CNOT3: variants seen among roughly 807,000 people sequenced by gnomAD.
CNOT3 encodes the protein CCR4-associated factor 3.
A neutral mutation model predicts 89.4 loss-of-function variants in CNOT3; 2 were observed. That is an observed-to-expected ratio of 0.02 (90% confidence interval 0.01 to 0.07). The LOEUF is 0.07. CNOT3 is among the 10% of genes least tolerant of loss of function. The pLI is 1.00. For synonymous variants in CNOT3, 486 were observed against 402.0 expected (o/e 1.21, Z -2.50); for missense variants, 664 against 1,010.2 (o/e 0.66, Z 4.65).
chr19:54,150,637 G>C (rs1231983611), intron 13 of CNOT3, among the ~76,000 whole-genome samples: 2 of 146,328 alleles, frequency 1.4e-5, no homozygotes, highest in African/African-American at 5.1e-5. Flanking sequence ...CGCCCAGGCT[G>C]TCCAGGTCCA....
At position 54,143,444 on chromosome 19, in the gene CNOT3, C is replaced by T. The variant is rs2074539266; in HGVS notation, c.96C>T (p.Leu32=). Residue 32 remains leucine (L), a splice_region_variant and synonymous_variant, in exon 4 of 18, where the codon CTC becomes CTT. Coordinates refer to ENST00000221232, the MANE Select transcript of CNOT3 (RefSeq NM_014516.4). ...VEQFEDIWQK[L]HNAANANQKE... is the part of the protein sequence containing the mutation. Reference sequence around the variant, plus strand: ...TCTCAATTCTCTCCATCCCTCAGCTCCACAATGCAGCCAACGCGAACCAGA... The same window carrying T: ...TCTCAATTCTCTCCATCCCTCAGCTTCACAATGCAGCCAACGCGAACCAGA... The T allele has an allele frequency of 4.3e-6, 7 of 1,613,980 alleles. No homozygotes were observed. The highest frequency in any genetic ancestry group is 5.9e-6 in the Non-Finnish European group (7 of 1,179,984).
Position 54,152,279 on chromosome 19 carries a change from C to G in CNOT3, c.1659C>G (p.Ser553Arg). 6.2e-7 allele frequency: 1 copy of G among 1,614,164 alleles called. No individual in the cohort carries two copies. Among genetic ancestry groups the G allele is most frequent in the East Asian group, 2.2e-5 (1 of 44,866 alleles). Residue 553 changes from serine (S) to arginine (R), a missense_variant, in exon 14 of 18, where the codon AGC (serine) becomes AGG (arginine). This residue lies in a region of CNOT3 where 545 missense variants were observed against 566.2 expected (regional missense o/e 0.96). Coordinates refer to ENST00000221232, the MANE Select transcript of CNOT3 (RefSeq NM_014516.4). ...CCATGGCGGAACGGGCAGCCATCAG[C>G]TCTGGCATTGAGGACCCTGTGCCAA... ...LKSMAERAAI[S>R]SGIEDPVPTL...
rs755976203 is a variant in CNOT3, at chr19:54,149,587, G to A, written c.1434G>A (p.Thr478=). 22 of 1,600,660 alleles carry A rather than the reference G, an allele frequency of 1.4e-5. No individual in the cohort carries two copies. Among genetic ancestry groups the A allele is most frequent in the African/African-American group, 1.1e-4 (8 of 74,368 alleles). Residue 478 remains threonine (T), a synonymous_variant, in exon 13 of 18, where the codon ACG becomes ACA. Transcript: ENST00000221232. The part of the protein sequence containing the change: ...TSKEPSAAAP[T]GAGGVAPGSG... The stretch of plus-strand genomic sequence containing the variant: ...AGGAACCCAGTGCGGCAGCCCCAAC[G>A]GGGGCTGGGGGCGTGGCCCCAGGCT...
In CNOT3 at chr19:54,143,307, G is replaced by A. The variant is rs964902201; in HGVS notation, c.93+121G>A. Reference sequence around the variant, plus strand: ...ACATATGCAGATGCTGAGGACCTAAGAGAATCAGCTCTAAGATGGATTGGG... The same window carrying A: ...ACATATGCAGATGCTGAGGACCTAAAAGAATCAGCTCTAAGATGGATTGGG... On this transcript the variant is annotated intron_variant, in intron 3 of 17. Coordinates refer to ENST00000221232, the MANE Select transcript of CNOT3 (RefSeq NM_014516.4). 9 of 971,782 alleles carry A rather than the reference G, an allele frequency of 9.3e-6. No homozygotes were observed. In the African/African-American group the frequency reaches 1.4e-4, roughly 16 times the overall value. The allele number at this position is 971,782 out of a possible 1,614,324, so 60.2% of individuals were successfully genotyped here. A position where few individuals can be genotyped will look rare whatever the true frequency, so the allele number is the denominator to read the frequency against.
At position 54,150,906 on chromosome 19, in the gene CNOT3, G is replaced by A. The variant is rs587635236; in HGVS notation, c.1605+1148G>A. Among the ~76,000 whole-genome samples, 8 of 151,826 alleles carry A rather than the reference G, an allele frequency of 5.3e-5. No homozygotes were observed. In the South Asian group the frequency reaches 1.2e-3, roughly 24 times the overall value. ...CCTGGGTTCAAGCGATTCTCCTGCC[G>A]CAGCCTACTGAGTAGCTGGGATTAC... On this transcript the variant is annotated intron_variant, in intron 13 of 17. Transcript: ENST00000221232.
At chr19:54,151,849 G>A (rs917922907) in intron 13 of CNOT3, among the ~76,000 whole-genome samples, 3 of 152,228 alleles carry the variant, frequency 2.0e-5, no homozygotes, top group Non-Finnish European at 4.4e-5. Context: ...CTCTCCCAGC[G>A]TGTAGGTGTC....
In CNOT3 at chr19:54,148,815, C is replaced by T; in HGVS notation, c.1406+72C>T. On this transcript the variant is annotated intron_variant, in intron 12 of 17. Transcript: ENST00000221232. This position sits in a 1 kb window ranked among gnomAD's most constrained non-coding sequence, Gnocchi z 6.3. ...ACAGAGAGGCGCAGGCGCCTCACCC[C>T]CGCATCGGTGGGTTCTGAACCCCCC... 1 of 1,491,380 alleles carries T rather than the reference C, an allele frequency of 6.7e-7. No homozygotes were observed. The highest frequency in any genetic ancestry group is 9.1e-7 in the Non-Finnish European group (1 of 1,099,264). 92.4% of individuals were successfully genotyped at this position (1,491,380 alleles called of 1,614,324 possible). A position where few individuals can be genotyped will look rare whatever the true frequency, so the allele number is the denominator to read the frequency against.
In CNOT3 at chr19:54,148,381, C is replaced by T; in HGVS notation, c.1128C>T (p.Ala376=). 1 of 1,562,914 alleles carries T rather than the reference C, an allele frequency of 6.4e-7. No homozygotes were observed. Among genetic ancestry groups the T allele is most frequent in the East Asian group, 2.3e-5 (1 of 44,300 alleles). The change falls in exon 11 of 18, where the codon GCC becomes GCT. Residue 376 remains alanine (A), a synonymous_variant. Transcript: ENST00000221232. The surrounding 1 kb of genome is among the most constrained non-coding windows in gnomAD (Gnocchi z 6.3). ...GTPAPYAQAV[A]PPAPSGPSTT... Reference sequence around the variant, plus strand: ...CTGCTCCCTATGCCCAGGCTGTGGCCCCACCAGCTCCCAGTGGGCCCAGCA... The same window carrying T: ...CTGCTCCCTATGCCCAGGCTGTGGCTCCACCAGCTCCCAGTGGGCCCAGCA...
rs2075262047 is a variant in CNOT3, at chr19:54,153,577, A to C, written c.2038-138A>C. 3.8e-6 allele frequency: 3 copies of C among 786,268 alleles called. No homozygotes were observed. In the Admixed American group the frequency reaches 5.1e-5, roughly 13 times the overall value. The allele number at this position is 786,268 out of a possible 1,614,324, so 48.7% of individuals were successfully genotyped here. On this transcript the variant is annotated intron_variant, in intron 16 of 17. Transcript: ENST00000221232. ...TGGTATGTTCTGTGCCCCCAGCCCC[A>C]TCTCCAAGAGGATTGTCCAGCCCAA... is the stretch of plus-strand genomic sequence containing the variant.
chr19:54,152,082 C>T lies in CNOT3; in HGVS notation c.1606-144C>T, dbSNP rs942169289. The T allele has an allele frequency of 6.9e-6, 5 of 723,788 alleles. No homozygotes were observed. In the African/African-American group the frequency reaches 8.9e-5, roughly 13 times the overall value. The allele number at this position is 723,788 out of a possible 1,614,324, so 44.8% of individuals were successfully genotyped here. A position where few individuals can be genotyped will look rare whatever the true frequency, so the allele number is the denominator to read the frequency against. On this transcript the variant is annotated intron_variant, in intron 13 of 17. Transcript: ENST00000221232. Reference sequence around the variant, plus strand: ...TTTCCCTACAGTTTGATGCTTTTACCTGTCATGGGTAGATTGTGGGGAGTG... The same window carrying T: ...TTTCCCTACAGTTTGATGCTTTTACTTGTCATGGGTAGATTGTGGGGAGTG...
intron 10 of CNOT3, among the ~76,000 whole-genome samples, chr19:54,147,108 TA>T (rs1372824661): frequency 2.0e-5 from 3 of 152,142 alleles, no homozygotes; most frequent in Non-Finnish European, 4.4e-5. Flanking sequence ...CAGAGTCCAA[TA>T]AGCCTAGGAA....
rs185410712 is a variant in CNOT3 at position 54,149,254 on chromosome 19, G to T, written c.1407-306G>T. ...AGCTCCAGCTGGCCTGCCCAAGGGG[G>T]AGTGGGCCCTGTGAACACCTGCCCA... On this transcript the variant is annotated intron_variant, in intron 12 of 17. Transcript: ENST00000221232. Among the ~76,000 whole-genome samples the T allele has an allele frequency of 1.3e-4, 20 of 152,268 alleles. No individual in the cohort carries two copies. The East Asian group carries it at 3.9e-3, about 30-fold the overall frequency.
intron 10 of CNOT3, among the ~76,000 whole-genome samples, chr19:54,147,520 C>T (rs2074746885): frequency 6.6e-6 from 1 of 152,218 alleles, no homozygotes; most frequent in African/African-American, 2.4e-5. Flanking sequence ...GTAGTCAGTC[C>T]TGTTGGGCGC....
rs1224721239 is a variant in CNOT3 at position 54,146,178 on chromosome 19, C to A, written c.837+135C>A. On this transcript the variant is annotated intron_variant, in intron 9 of 17. Transcript: ENST00000221232. Reference sequence around the variant, plus strand: ...GATCTAGGTATCCAGGGTCTAGGCTCTTGGAGCACACGCTAAGGTCCTATA... The same window carrying A: ...GATCTAGGTATCCAGGGTCTAGGCTATTGGAGCACACGCTAAGGTCCTATA... 26 of 935,526 alleles carry A rather than the reference C, an allele frequency of 2.8e-5. No individual in the cohort carries two copies. The Admixed American group carries it at 6.2e-4, about 22-fold the overall frequency. 58.0% of individuals were successfully genotyped at this position (935,526 alleles called of 1,614,324 possible).
Position 54,149,628 on chromosome 19 carries a change from G to A in CNOT3, c.1475G>A (p.Gly492Glu), listed in dbSNP as rs1463159641. 6.2e-7 allele frequency: 1 copy of A among 1,613,726 alleles called. No homozygotes were observed. Among genetic ancestry groups the A allele is most frequent in the Admixed American group, 1.7e-5 (1 of 60,000 alleles). ...GVAPGSGNNS[G>E]GPSLLVPLPV... Reference sequence around the variant, plus strand: ...GCCCCAGGCTCAGGGAACAACTCAGGGGGACCCAGCCTCCTGGTGCCACTG... The same window carrying A: ...GCCCCAGGCTCAGGGAACAACTCAGAGGGACCCAGCCTCCTGGTGCCACTG... Residue 492 changes from glycine to glutamate, a missense_variant, in exon 13 of 18, where the codon GGG (glycine) becomes GAG (glutamate). Gly to Glu is a moderately conservative substitution (Grantham distance 98). This residue lies in a region of CNOT3 where 545 missense variants were observed against 566.2 expected (regional missense o/e 0.96). Coordinates refer to ENST00000221232, the MANE Select transcript of CNOT3 (RefSeq NM_014516.4).
Position 54,155,476 on chromosome 19 carries a change from C to T in CNOT3, c.*69C>T. 2.7e-6 allele frequency: 3 copies of T among 1,107,714 alleles called. No individual in the cohort carries two copies. Among genetic ancestry groups the T allele is most frequent in the Non-Finnish European group, 3.9e-6 (3 of 767,108 alleles). The allele number at this position is 1,107,714 out of a possible 1,614,324, so 68.6% of individuals were successfully genotyped here. A position where few individuals can be genotyped will look rare whatever the true frequency, so the allele number is the denominator to read the frequency against. On this transcript the variant is annotated 3_prime_UTR_variant, in exon 18 of 18. Coordinates refer to ENST00000221232, the MANE Select transcript of CNOT3 (RefSeq NM_014516.4). The stretch of plus-strand genomic sequence containing the variant: ...TCCCCCTGCCCAGGTGAGGGCCCTG[C>T]CCTGGAAGACTGGAGGGAGGCCCCA...
chr19:54,144,496 C>T lies in CNOT3; in HGVS notation c.483+164C>T, dbSNP rs1178616840. 2.0e-5 allele frequency among the ~76,000 whole-genome samples: 3 copies of T among 152,264 alleles called. No homozygotes were observed. The East Asian group carries it at 5.8e-4, about 29-fold the overall frequency. On this transcript the variant is annotated intron_variant, in intron 7 of 17. Coordinates refer to ENST00000221232, the MANE Select transcript of CNOT3 (RefSeq NM_014516.4). The surrounding 1 kb of genome is among the most constrained non-coding windows in gnomAD (Gnocchi z 4.8). ...GATTTGAGAGACAGGATTGGGAGGG[C>T]TTAGCAGCTGCACGCGTGGGGCAGG...
intron 1 of CNOT3, chr19:54,141,552 G>T (rs1490921747): frequency 6.6e-6 from 1 of 152,236 alleles, no homozygotes; most frequent in Non-Finnish European, 1.5e-5. Flanking sequence ...CCACATTTCA[G>T]ATGTTCAGTG....
chr19:54,153,885 G>C (rs777772573), intron 17 of CNOT3, 45 bp downstream of exon 17: 2 of 1,613,598 alleles, frequency 1.2e-6, no homozygotes, highest in Non-Finnish European at 1.7e-6. Context: ...GGTTGGGGTA[G>C]AGTCCCCAGG....
Sources: gnomAD v4.1 joint callset for allele counts (sites outside exome capture counted in the v4.1 genomes callset) on GRCh38, gnomAD v4.1.1 for gene constraint, gnomAD v4.1.1 regional missense constraint, Gnocchi (gnomAD v3.1) non-coding constraint, MANE v1.5 for transcripts, NCBI Gene and HGNC (gene_info 2026-07-23, HGNC 2026-07-21) for gene names.